Variants in ST6GALNAC3 observed in about 807,000 individuals in gnomAD.
ST6GALNAC3 encodes alpha-N-acetylgalactosaminide alpha-2,6-sialyltransferase 3.
Under a neutral mutation model 32.7 loss-of-function variants are expected in ST6GALNAC3, and 25 were observed. The observed-to-expected ratio is 0.76, with a 90% CI of 0.56 to 1.07. The LOEUF (loss-of-function observed/expected upper bound fraction) is 1.07, where lower values mean the gene tolerates loss of function less well. Among genes scored for constraint, ST6GALNAC3 ranks in the 50% least tolerant of loss-of-function variants. The pLI is 0.00. For missense variants in ST6GALNAC3, 355 were observed against 382.4 expected, an observed-to-expected ratio of 0.93 and a Z score of 0.60; for synonymous variants, 129 against 133.1, an observed-to-expected ratio of 0.97 and a Z score of 0.21.
chr1:76,490,866 G>GTT (rs34573571), intron 3 of ST6GALNAC3, among the ~76,000 whole-genome samples: 1 of 146,386 alleles, frequency 6.8e-6, no homozygotes, highest in East Asian at 2.0e-4. Flanking sequence ...CTTTTTTTTT[G>GTT]TTTTTTTTTG....
chr1:76,232,752 A>G (rs1245780335), intron 1 of ST6GALNAC3, among the ~76,000 whole-genome samples: 2 of 152,232 alleles, frequency 1.3e-5, no homozygotes, highest in Admixed American at 1.3e-4. Flanking sequence ...GCCACCAGAA[A>G]AAACTGTGGT....
chr1:76,410,886 A>G (rs1349112595), intron 2 of ST6GALNAC3, among the ~76,000 whole-genome samples: 4 of 152,162 alleles, frequency 2.6e-5, no homozygotes, highest in Non-Finnish European at 4.4e-5. Context: ...TTGTTCTGAC[A>G]TAGTTTACTG....
chr1:76,217,416 G>A (rs1322179598), intron 1 of ST6GALNAC3, among the ~76,000 whole-genome samples: 2 of 152,156 alleles, frequency 1.3e-5, no homozygotes, highest in African/African-American at 4.8e-5. Flanking sequence ...ATTTCTATAT[G>A]TGGCAGAACT....
At chr1:76,121,126 C>T (rs976973621) in intron 1 of ST6GALNAC3, among the ~76,000 whole-genome samples, 14 of 152,228 alleles carry the variant, frequency 9.2e-5, no homozygotes, top group Admixed American at 2.0e-4. Context: ...ATCCCCCCAT[C>T]TCAAGATCTT....
chr1:76,571,807 G>C (rs1665878890), intron 3 of ST6GALNAC3, among the ~76,000 whole-genome samples: 2 of 151,960 alleles, frequency 1.3e-5, no homozygotes, highest in South Asian at 4.1e-4. Context: ...GGTTCCAATG[G>C]TTTGTAAGCT....
At chr1:76,284,696 G>A (rs1659681257) in intron 1 of ST6GALNAC3, among the ~76,000 whole-genome samples, 1 of 152,008 alleles carries the variant, frequency 6.6e-6, no homozygotes, top group Non-Finnish European at 1.5e-5. Context: ...TATCAAACCT[G>A]AAACGATCTC....
chr1:76,535,716 T>G (rs1663552421), intron 3 of ST6GALNAC3, among the ~76,000 whole-genome samples: 1 of 152,188 alleles, frequency 6.6e-6, no homozygotes, highest in South Asian at 2.1e-4. Context: ...TAATCTAGTT[T>G]CTCTTATCCT....
At chr1:76,313,590 T>C in intron 1 of ST6GALNAC3, 1 of 668,412 alleles carries the variant, frequency 1.5e-6, no homozygotes, top group Non-Finnish European at 2.7e-6. Context: ...AATGGAAGAG[T>C]TCAAGAAAGC....
chr1:76,376,912 C>A (rs1366060473), intron 2 of ST6GALNAC3, among the ~76,000 whole-genome samples: 2 of 151,896 alleles, frequency 1.3e-5, no homozygotes, highest in Non-Finnish European at 2.9e-5. Context: ...TTGAATAGTT[C>A]TCTTAGTGGT....
At chr1:76,078,731 G>A (rs61771321) in intron 1 of ST6GALNAC3, among the ~76,000 whole-genome samples, 1 of 152,030 alleles carries the variant, frequency 6.6e-6, no homozygotes, top group Non-Finnish European at 1.5e-5. Context: ...CAGCTCTCCT[G>A]TGTAGCTCTA....
chr1:76,086,020 G>A (rs1646959681), intron 1 of ST6GALNAC3, among the ~76,000 whole-genome samples: 1 of 152,188 alleles, frequency 6.6e-6, no homozygotes, highest in Non-Finnish European at 1.5e-5. Flanking sequence ...GCCTTTGCAC[G>A]AGCTAGGGGC....
chr1:76,325,406 C>T (rs1647048880), intron 2 of ST6GALNAC3, among the ~76,000 whole-genome samples: 2 of 152,102 alleles, frequency 1.3e-5, no homozygotes, highest in African/African-American at 4.8e-5. Flanking sequence ...TCTCTTTCAT[C>T]TATACTTACA....
At chr1:76,452,128 G>A (rs979700525) in intron 3 of ST6GALNAC3, among the ~76,000 whole-genome samples, 28 of 152,074 alleles carry the variant, frequency 1.8e-4, no homozygotes, top group Non-Finnish European at 4.1e-4. Context: ...GTTGTGGGAG[G>A]GACATGATGG....
intron 1 of ST6GALNAC3, among the ~76,000 whole-genome samples, chr1:76,129,328 G>A (rs1006242681): frequency 1.3e-5 from 2 of 152,154 alleles, no homozygotes; most frequent in Non-Finnish European, 2.9e-5. Flanking sequence ...GTTCCAGAAG[G>A]AGAAACTAAA....
intron 3 of ST6GALNAC3, among the ~76,000 whole-genome samples, chr1:76,594,467 T>C (rs893192993): frequency 3.9e-5 from 6 of 152,202 alleles, no homozygotes; most frequent in African/African-American, 1.4e-4. Context: ...ACCCTCTTGT[T>C]CCTCTGTTTT....
intron 1 of ST6GALNAC3, among the ~76,000 whole-genome samples, chr1:76,272,985 A>C (rs1448025763): frequency 6.6e-6 from 1 of 152,220 alleles, no homozygotes; most frequent in African/African-American, 2.4e-5. Context: ...AGGAGTGACC[A>C]CTGAAAACAC....
intron 2 of ST6GALNAC3, among the ~76,000 whole-genome samples, chr1:76,315,055 T>A (rs1381168903): frequency 6.6e-6 from 1 of 152,010 alleles, no homozygotes; most frequent in East Asian, 1.9e-4. Context: ...TCTGCAGGAT[T>A]TACAGGCCTT....
intron 1 of ST6GALNAC3, among the ~76,000 whole-genome samples, chr1:76,238,246 G>A (rs931313558): frequency 1.2e-4 from 19 of 152,086 alleles, no homozygotes; most frequent in South Asian, 2.1e-4. Flanking sequence ...ATATCCTGCC[G>A]TGCTCTTTGA....
intron 1 of ST6GALNAC3, among the ~76,000 whole-genome samples, chr1:76,200,206 C>T (rs906155026): frequency 7.9e-5 from 12 of 152,140 alleles, no homozygotes; most frequent in African/African-American, 2.9e-4. Context: ...GCATCTGAGA[C>T]TTTGTAATTG....
Sources: allele counts gnomAD v4.1 joint callset (sites outside exome capture counted in the v4.1 genomes callset), GRCh38; gene constraint gnomAD v4.1.1; transcripts MANE v1.5; gene names NCBI Gene and HGNC (gene_info 2026-07-23, HGNC 2026-07-21).